Variants in SSRP1 observed in about 807,000 individuals in gnomAD.
SSRP1 encodes structure specific recognition protein 1, also known as FACT complex subunit SSRP1.
In SSRP1, 21 loss-of-function variants were observed where a neutral mutation model predicts 84.4. That is an observed-to-expected ratio of 0.25 (90% CI 0.18 to 0.36). The LOEUF (loss-of-function observed/expected upper bound fraction) is 0.36, where lower values mean the gene tolerates loss of function less well. Among genes scored for constraint, SSRP1 ranks in the 10% least tolerant of loss-of-function variants. The pLI is 1.00. For synonymous variants in SSRP1, 319 were observed against 318.3 expected, an observed-to-expected ratio of 1.00 and a Z score of -0.02; for missense variants, 519 against 900.8, an observed-to-expected ratio of 0.58 and a Z score of 5.43.
rs116700677 is a variant in SSRP1, at chr11:57,326,144, C to A, written c.*263G>T. On this transcript the variant is annotated 3_prime_UTR_variant, in exon 17 of 17. Coordinates refer to ENST00000278412, the MANE Select transcript of SSRP1 (RefSeq NM_003146.3). ...CAAGCAGCAGCTACATCCTTAAGGT[C>A]GGGAAAGTAAGATGAGGATTTGGAT... The A allele has an allele frequency of 4.1e-3, 2,248 of 544,070 alleles. 40 individuals are homozygous for A. The highest frequency in any genetic ancestry group is 0.038 in the African/African-American group (2,023 of 53,152). 33.7% of individuals were successfully genotyped at this position (544,070 alleles called of 1,614,324 possible). A position where few individuals can be genotyped will look rare whatever the true frequency, so the allele number is the denominator to read the frequency against.
At chr11:57,328,506 CAA>C (rs1047677315) in intron 12 of SSRP1, 80 bp from the exon 13 acceptor site, 2 of 1,568,094 alleles carry the variant, frequency 1.3e-6, no homozygotes, top group African/African-American at 2.7e-5. Context: ...AAGACAAATC[CAA>C]AGATACCCAC....
chr11:57,333,234 G>A (rs1856131803), intron 4 of SSRP1, 85 bp from the exon 5 acceptor site: 2 of 1,443,600 alleles, frequency 1.4e-6, no homozygotes, highest in Non-Finnish European at 9.5e-7. Context: ...GTTCCACAGA[G>A]ACAGGATACT....
Position 57,327,727 on chromosome 11 carries a change from G to T in SSRP1, c.1767C>A (p.Ser589=). The T allele has an allele frequency of 6.2e-7, 1 of 1,613,930 alleles. No homozygotes were observed. ...TGCTACTCACCTCTTTCTTCTCTTT[G>T]GACATTCCCTTCCAGATCTCGCCTG... ...KKAGEIWKGM[S]KEKKEEWDRK... Residue 589 remains serine, a synonymous_variant, in exon 14 of 17, where the codon TCC becomes TCA. Coordinates refer to ENST00000278412, the MANE Select transcript of SSRP1 (RefSeq NM_003146.3).
chr11:57,335,226 C>G lies in SSRP1; in HGVS notation c.-105G>C. ...ACTCCTGAGTGGGTGTGCGGATGCT[C>G]AGCAGGTTGGGAATCTGAATTCAAG... On this transcript the variant is annotated 5_prime_UTR_variant, in exon 2 of 17. Coordinates refer to ENST00000278412, the MANE Select transcript of SSRP1 (RefSeq NM_003146.3). The surrounding 1 kb of genome is among the most constrained non-coding windows in gnomAD (Gnocchi z 4.6). 1 of 1,180,846 alleles carries G rather than the reference C, an allele frequency of 8.5e-7. No individual in the cohort carries two copies. Among genetic ancestry groups the G allele is most frequent in the East Asian group, 2.3e-5 (1 of 42,554 alleles). The allele number at this position is 1,180,846 out of a possible 1,614,324, so 73.1% of individuals were successfully genotyped here. A position where few individuals can be genotyped will look rare whatever the true frequency, so the allele number is the denominator to read the frequency against.
At chr11:57,331,600 GC>G in intron 9 of SSRP1, 67 bp downstream of exon 9, 1 of 1,362,098 alleles carries the variant, frequency 7.3e-7, no homozygotes, top group Non-Finnish European at 1.0e-6. Flanking sequence ...CCCAGGCCAC[GC>G]CAGCCTTCCT....
At chr11:57,331,270 G>A (rs544672369) in intron 9 of SSRP1, among the ~76,000 whole-genome samples, 192 of 152,242 alleles carry the variant, frequency 1.3e-3, no homozygotes, top group African/African-American at 3.8e-3. Flanking sequence ...AGGATTACAC[G>A]TGAAGATGCT....
intron 2 of SSRP1, 113 bp downstream of exon 2, chr11:57,334,955 A>G: frequency 7.9e-7 from 1 of 1,266,646 alleles, no homozygotes; most frequent in Non-Finnish European, 1.1e-6. Context: ...TACACATTAT[A>G]CTGAGTCTTC....
Position 57,326,857 on chromosome 11 carries a change from A to C in SSRP1, c.1904T>G (p.Val635Gly). The change falls in exon 16 of 17, where the codon GTA (valine) becomes GGA (glycine). Residue 635 changes from valine to glycine, a missense_variant. Coordinates refer to ENST00000278412, the MANE Select transcript of SSRP1 (RefSeq NM_003146.3). Reference sequence around the variant, plus strand: ...GGGCGTGGATTTCTTTTCCATCTTTACCTTTACTTTCTTCTTCTTCTTTGA... The same window carrying C: ...GGGCGTGGATTTCTTTTCCATCTTTCCCTTTACTTTCTTCTTCTTCTTTGA... ...DKSKKKKKVK[V>G]KMEKKSTPSR... The C allele has an allele frequency of 6.2e-7, 1 of 1,613,176 alleles. No individual in the cohort carries two copies. The highest frequency in any genetic ancestry group is 1.1e-5 in the South Asian group (1 of 91,002).
Position 57,332,352 on chromosome 11 carries a change from T to G in SSRP1, c.872+31A>C. On this transcript the variant is annotated intron_variant, in intron 7 of 16. Transcript: ENST00000278412. The surrounding 1 kb of genome is among the most constrained non-coding windows in gnomAD (Gnocchi z 5.5). ...GCACACCTGTCTCCTGCCTGGACAG[T>G]GGTAGGAAACGAGTCCAGGGAGACA... The G allele has an allele frequency of 6.2e-7, 1 of 1,613,668 alleles. No individual in the cohort carries two copies. The highest frequency in any genetic ancestry group is 8.5e-7 in the Non-Finnish European group (1 of 1,179,710).
chr11:57,334,396 G>T, intron 3 of SSRP1, 67 bp downstream of exon 3: 1 of 1,562,972 alleles, frequency 6.4e-7, no homozygotes, highest in Non-Finnish European at 8.7e-7. Flanking sequence ...AAGGAACCTC[G>T]AGTCTCTAGA....
In SSRP1 at chr11:57,330,811, T is replaced by G. The variant is rs762062137; in HGVS notation, c.1296+44A>C. 2 of 1,613,948 alleles carry G rather than the reference T, an allele frequency of 1.2e-6. No homozygotes were observed. Among genetic ancestry groups the G allele is most frequent in the Admixed American group, 3.3e-5 (2 of 60,014 alleles). On this transcript the variant is annotated intron_variant, in intron 10 of 16. Transcript: ENST00000278412. The surrounding 1 kb of genome is among the most constrained non-coding windows in gnomAD (Gnocchi z 4.0). The stretch of plus-strand genomic sequence containing the variant: ...AAAATCTCCACCCCTTTCTCCCCTA[T>G]AGAAAGACCAGGAGAGGGTCTCATC...
At position 57,327,388 on chromosome 11, in the gene SSRP1, AC is replaced by A. The variant is rs548105844; in HGVS notation, c.1871+37del. ...CCTGTTAAAAAAAAAAAAGTCTGCCACAAAAATCAGTGACTGGGCCATGTTC... is the reference window on the plus strand; with the variant it reads ...CCTGTTAAAAAAAAAAAAGTCTGCCAAAAAATCAGTGACTGGGCCATGTTC... On this transcript the variant is annotated intron_variant, in intron 15 of 16. Coordinates refer to ENST00000278412, the MANE Select transcript of SSRP1 (RefSeq NM_003146.3). 155 of 1,583,422 alleles carry A rather than the reference AC, an allele frequency of 9.8e-5. No individual in the cohort carries two copies. In the African/African-American group the frequency reaches 1.9e-3, roughly 20 times the overall value.
Position 57,326,904 on chromosome 11 carries a change from G to A in SSRP1, c.1872-15C>T, listed in dbSNP as rs1855996682. ...TTGACTTGTCCCTGTATTGGCAAGAGGGAAGAGGAGCTGGGCCTTCAGGTC... is the reference window on the plus strand; with the variant it reads ...TTGACTTGTCCCTGTATTGGCAAGAAGGAAGAGGAGCTGGGCCTTCAGGTC... On this transcript the variant is annotated splice_polypyrimidine_tract_variant and intron_variant, in intron 15 of 16. Coordinates refer to ENST00000278412, the MANE Select transcript of SSRP1 (RefSeq NM_003146.3). 1.3e-6 allele frequency: 2 copies of A among 1,574,558 alleles called. No individual in the cohort carries two copies. Among genetic ancestry groups the A allele is most frequent in the East Asian group, 2.3e-5 (1 of 43,712 alleles).
intron 4 of SSRP1, 124 bp downstream of exon 4, chr11:57,333,311 T>C (rs1856133931): frequency 3.5e-6 from 4 of 1,140,040 alleles, no homozygotes; most frequent in Non-Finnish European, 3.9e-6. Context: ...AATAAACACA[T>C]GATGAACATG....
intron 12 of SSRP1, 92 bp from the exon 13 acceptor site, chr11:57,328,518 C>T: frequency 6.5e-7 from 1 of 1,543,798 alleles, no homozygotes; most frequent in South Asian, 1.2e-5. Context: ...AAGATACCCA[C>T]CCAAAAGGGG....
In SSRP1 at chr11:57,332,967, G is replaced by A; in HGVS notation, c.529C>T (p.Pro177Ser). ...VPPTQEDGVDPVEAFAQNVLS... is the reference protein window; with the variant it reads ...VPPTQEDGVDSVEAFAQNVLS... ...ACCAGGGGAAGCCTCACCTCAACAG[G>A]GTCCACACCATCCTCCTGGGTGGGT... is the stretch of plus-strand genomic sequence containing the variant. The change falls in exon 5 of 17, where the codon CCT becomes TCT. Residue 177 changes from proline to serine, a missense_variant. Coordinates refer to ENST00000278412, the MANE Select transcript of SSRP1 (RefSeq NM_003146.3). The surrounding 1 kb of genome is among the most constrained non-coding windows in gnomAD (Gnocchi z 5.5). 2 of 1,611,234 alleles carry A rather than the reference G, an allele frequency of 1.2e-6. No individual in the cohort carries two copies. The highest frequency in any genetic ancestry group is 2.2e-5 in the East Asian group (1 of 44,842).
At chr11:57,326,579 AC>A (rs1411338128) in intron 16 of SSRP1, 101 bp from the exon 17 acceptor site, 1 of 974,094 alleles carries the variant, frequency 1.0e-6, no homozygotes, top group Non-Finnish European at 1.5e-6. Flanking sequence ...CAACTACAGC[AC>A]CCCCCTTCAG....
intron 14 of SSRP1, 24 bp downstream of exon 14, chr11:57,327,688 C>G (rs774256970): frequency 6.2e-7 from 1 of 1,611,822 alleles, no homozygotes; most frequent in African/African-American, 1.3e-5. Context: ...TGAGAGGCAT[C>G]ACCCCTCCTC....
chr11:57,332,693 T>A lies in SSRP1; in HGVS notation c.700A>T (p.Ile234Phe). 1.2e-6 allele frequency: 2 copies of A among 1,614,012 alleles called. No homozygotes were observed. Among genetic ancestry groups the A allele is most frequent in the Non-Finnish European group, 1.7e-6 (2 of 1,180,018 alleles). The change falls in exon 6 of 17, where the codon ATC becomes TTC. Residue 234 changes from isoleucine (I) to phenylalanine (F), a missense_variant. Coordinates refer to ENST00000278412, the MANE Select transcript of SSRP1 (RefSeq NM_003146.3). This position sits in a 1 kb window ranked among gnomAD's most constrained non-coding sequence, Gnocchi z 5.5. Reference protein sequence around the residue: ...HLHGKTFDYKIPYTTVLRLFL... With the variant: ...HLHGKTFDYKFPYTTVLRLFL... ...AGACGCAGTACTGTGGTGTAGGGGA[T>A]CTTGTAGTCAAAGGTCTTGCCATGC... is the stretch of plus-strand genomic sequence containing the variant.
Sources: allele counts gnomAD v4.1 joint callset (sites outside exome capture counted in the v4.1 genomes callset), GRCh38; gene constraint gnomAD v4.1.1; non-coding constraint Gnocchi (gnomAD v3.1); transcripts MANE v1.5; gene names NCBI Gene and HGNC (gene_info 2026-07-23, HGNC 2026-07-21).